Variants in GLS observed in about 807,000 individuals in gnomAD.
The protein encoded by GLS is glutaminase, also known as glutaminase kidney isoform, mitochondrial.
Under a neutral mutation model 86.7 loss-of-function variants are expected in GLS, and 36 were observed. That is an observed-to-expected ratio of 0.42 (90% CI 0.32 to 0.55). The LOEUF (loss-of-function observed/expected upper bound fraction) is 0.55, where lower values mean the gene tolerates loss of function less well. GLS is among the 20% of genes least tolerant of loss of function. The probability of loss-of-function intolerance (pLI) is 0.17; values close to 1 mark genes in which losing one functional copy is unlikely to be tolerated. For missense variants in GLS, 528 were observed against 833.4 expected (o/e 0.63, Z 4.51); for synonymous variants, 317 against 305.9 (o/e 1.04, Z -0.38).
intron 3 of GLS, chr2:190,896,233 C>T (rs1449763406): frequency 6.6e-6 from 1 of 152,166 alleles, no homozygotes; most frequent in African/African-American, 2.4e-5. Flanking sequence ...TTCTTCAAAA[C>T]AGTAAAGAAC....
In GLS at chr2:190,904,991, TCC is replaced by T; in HGVS notation, c.816-12_816-11del. 1 of 1,484,560 alleles carries T rather than the reference TCC, an allele frequency of 6.7e-7. No individual in the cohort carries two copies. The highest frequency in any genetic ancestry group is 9.3e-7 in the Non-Finnish European group (1 of 1,071,116). 92.0% of individuals were successfully genotyped at this position (1,484,560 alleles called of 1,614,324 possible). On this transcript the variant is annotated splice_polypyrimidine_tract_variant and intron_variant, in intron 5 of 17. Coordinates refer to ENST00000320717, the MANE Select transcript of GLS (RefSeq NM_014905.5). ...CAGTTGATGTTATTTTTTAAAAATC[TCC>T]TTTTAAATAGGCATTCTACTGGAGA...
At position 190,895,747 on chromosome 2, in the gene GLS, T is replaced by A. The variant is rs1330282400; in HGVS notation, c.605+22T>A. 6.4e-7 allele frequency: 1 copy of A among 1,569,314 alleles called. No individual in the cohort carries two copies. The highest frequency in any genetic ancestry group is 8.7e-7 in the Non-Finnish European group (1 of 1,150,778). ...AAAAGTAAAAGTTTCTGCCAAACCT[T>A]TAATGGTGATTTGCTATGCTATACG... On this transcript the variant is annotated intron_variant, in intron 3 of 17. Transcript: ENST00000320717. This position sits in a 1 kb window ranked among gnomAD's most constrained non-coding sequence, Gnocchi z 4.2.
chr2:190,955,115 C>T lies in GLS; in HGVS notation c.1853+297C>T, dbSNP rs911778715. On this transcript the variant is annotated intron_variant, in intron 17 of 17. Transcript: ENST00000320717. The surrounding 1 kb of genome is among the most constrained non-coding windows in gnomAD (Gnocchi z 5.6). ...GGGAAGAAAGAATTGGAATTTTATCCTCATGGATTTTAAAAAAAAAATTTT... is the reference window on the plus strand; with the variant it reads ...GGGAAGAAAGAATTGGAATTTTATCTTCATGGATTTTAAAAAAAAAATTTT... Among the ~76,000 whole-genome samples, 1 of 151,762 alleles carries T rather than the reference C, an allele frequency of 6.6e-6. No homozygotes were observed. Among genetic ancestry groups the T allele is most frequent in the East Asian group, 1.9e-4 (1 of 5,172 alleles).
At chr2:190,941,817 T>C (rs1250030152) in intron 14 of GLS, among the ~76,000 whole-genome samples, 2 of 152,118 alleles carry the variant, frequency 1.3e-5, no homozygotes, top group African/African-American at 2.4e-5. Flanking sequence ...GGCCATATTA[T>C]GTAGAGTGGG....
chr2:190,936,096 A>C (rs1396906216), intron 14 of GLS, among the ~76,000 whole-genome samples: 2 of 151,162 alleles, frequency 1.3e-5, no homozygotes, highest in African/African-American at 4.8e-5. Flanking sequence ...AGAATTAGTT[A>C]ATAAGGAGTT....
At chr2:190,915,648 A>G (rs1689508363) in intron 7 of GLS, among the ~76,000 whole-genome samples, 1 of 152,180 alleles carries the variant, frequency 6.6e-6, no homozygotes, top group Admixed American at 6.5e-5. Flanking sequence ...TAAAAAATTA[A>G]TCTGCCTTTA....
intron 1 of GLS, among the ~76,000 whole-genome samples, chr2:190,883,336 C>T (rs926917295): frequency 6.6e-6 from 1 of 152,196 alleles, no homozygotes; most frequent in African/African-American, 2.4e-5. Context: ...TTTCTCTTAT[C>T]CTGGGAGGTA....
intron 14 of GLS, chr2:190,934,370 T>G: frequency 1.0e-6 from 1 of 961,678 alleles, no homozygotes; most frequent in African/African-American, 1.8e-5. Context: ...CAAAAAGCCT[T>G]TTGGGCTAAC....
chr2:190,939,500 G>A (rs1221580219), intron 14 of GLS, among the ~76,000 whole-genome samples: 5 of 151,556 alleles, frequency 3.3e-5, no homozygotes, highest in African/African-American at 1.2e-4. Context: ...TAAAAATGAT[G>A]AAATATTAGT....
intron 7 of GLS, among the ~76,000 whole-genome samples, chr2:190,917,030 T>A (rs1416839144): frequency 1.3e-5 from 2 of 152,204 alleles, no homozygotes; most frequent in Non-Finnish European, 2.9e-5. Context: ...TGGCAATTTC[T>A]TAAAATAAGA....
chr2:190,913,960 G>A lies in GLS; in HGVS notation c.1038+3639G>A, dbSNP rs1284794418. ...GACCACAGGCACAGGCTACCATGCA[G>A]GGCTAATTCTTTATAAAGCTAGGGT... On this transcript the variant is annotated intron_variant, in intron 7 of 17. Coordinates refer to ENST00000320717, the MANE Select transcript of GLS (RefSeq NM_014905.5). This position sits in a 1 kb window ranked among gnomAD's most constrained non-coding sequence, Gnocchi z 6.1. 6.6e-6 allele frequency: 1 copy of A among 152,514 alleles called. No homozygotes were observed. Among genetic ancestry groups the A allele is most frequent in the Middle Eastern group, 3.2e-3 (1 of 316 alleles). 9.4% of individuals were successfully genotyped at this position (152,514 alleles called of 1,614,324 possible).
chr2:190,963,758 A>G lies in GLS; in HGVS notation c.*772A>G, dbSNP rs1440144495. ...TGCAGTTTTTATGTTTTCCATAGTA[A>G]GTCAGAAAATGCCTCCTATTTCTGG... On this transcript the variant is annotated 3_prime_UTR_variant, in exon 18 of 18. Coordinates refer to ENST00000320717, the MANE Select transcript of GLS (RefSeq NM_014905.5). 1 of 152,558 alleles carries G rather than the reference A, an allele frequency of 6.6e-6. No individual in the cohort carries two copies. The allele number at this position is 152,558 out of a possible 1,614,324, so 9.5% of individuals were successfully genotyped here.
chr2:190,914,291 C>T lies in GLS; in HGVS notation c.1038+3970C>T, dbSNP rs1333267787. ...TCAGTTTGGTTATGTTAGCAATAACCTGTTAGGCATGCTTATAAGACAGGT... is the reference window on the plus strand; with the variant it reads ...TCAGTTTGGTTATGTTAGCAATAACTTGTTAGGCATGCTTATAAGACAGGT... On this transcript the variant is annotated intron_variant, in intron 7 of 17. Coordinates refer to ENST00000320717, the MANE Select transcript of GLS (RefSeq NM_014905.5). The surrounding 1 kb of genome is among the most constrained non-coding windows in gnomAD (Gnocchi z 4.4). Among the ~76,000 whole-genome samples, 1 of 151,956 alleles carries T rather than the reference C, an allele frequency of 6.6e-6. No homozygotes were observed. The highest frequency in any genetic ancestry group is 1.5e-5 in the Non-Finnish European group (1 of 67,998).
At chr2:190,939,572 A>G (rs557226936) in intron 14 of GLS, among the ~76,000 whole-genome samples, 2 of 151,866 alleles carry the variant, frequency 1.3e-5, no homozygotes, top group South Asian at 2.1e-4. Flanking sequence ...TCAACTTTCA[A>G]TTATGATAAT....
intron 14 of GLS, among the ~76,000 whole-genome samples, chr2:190,952,617 G>T (rs1226430709): frequency 6.6e-6 from 1 of 152,182 alleles, no homozygotes. Flanking sequence ...ACAGTTCCAG[G>T]CTGTGGCTTT....
Position 190,935,984 on chromosome 2 carries a change from T to A in GLS, c.1650+4347T>A, listed in dbSNP as rs559406303. On this transcript the variant is annotated intron_variant, in intron 14 of 17. Transcript: ENST00000320717. The surrounding 1 kb of genome is among the most constrained non-coding windows in gnomAD (Gnocchi z 4.2). ...AATCTGCCATTCATATTCTGGAGATTCCTGAATATATTGTAGAAGTTTTAA... is the reference window on the plus strand; with the variant it reads ...AATCTGCCATTCATATTCTGGAGATACCTGAATATATTGTAGAAGTTTTAA... 1.1e-4 allele frequency among the ~76,000 whole-genome samples: 17 copies of A among 151,294 alleles called. No homozygotes were observed. The South Asian group carries it at 2.9e-3, about 26-fold the overall frequency.
rs777409665 is a variant in GLS at position 190,913,348 on chromosome 2, TAAAC to T, written c.1038+3031_1038+3034del. ...AGGAAAACTCCAATATTTAAAATTT[TAAAC>T]AAAGCTATATAGGTAAATACCTTTT... On this transcript the variant is annotated intron_variant, in intron 7 of 17. Transcript: ENST00000320717. This position sits in a 1 kb window ranked among gnomAD's most constrained non-coding sequence, Gnocchi z 6.1. 1.5e-5 allele frequency: 17 copies of T among 1,156,924 alleles called. No individual in the cohort carries two copies. The highest frequency in any genetic ancestry group is 1.8e-5 in the Non-Finnish European group (16 of 900,790). The allele number at this position is 1,156,924 out of a possible 1,614,324, so 71.7% of individuals were successfully genotyped here.
chr2:190,923,870 C>T, intron 9 of GLS, 47 bp from the exon 10 acceptor site: 2 of 1,147,898 alleles, frequency 1.7e-6, no homozygotes, highest in Non-Finnish European at 2.6e-6. Context: ...AACAATCACA[C>T]TTTTAAAGAA....
At chr2:190,882,504 A>C (rs542288453) in intron 1 of GLS, among the ~76,000 whole-genome samples, 1 of 152,082 alleles carries the variant, frequency 6.6e-6, no homozygotes, top group Admixed American at 6.5e-5. Flanking sequence ...GTACGCTGAC[A>C]CTCTAACCTG....
Sources: allele counts gnomAD v4.1 joint callset (sites outside exome capture counted in the v4.1 genomes callset), GRCh38; gene constraint gnomAD v4.1.1; non-coding constraint Gnocchi (gnomAD v3.1); transcripts MANE v1.5; gene names NCBI Gene and HGNC (gene_info 2026-07-23, HGNC 2026-07-21).